The following BAG2 variants were observed in gnomAD, a reference collection of about 807,000 sequenced individuals.
BAG2 encodes BAG cochaperone 2, also known as BAG family molecular chaperone regulator 2.
A neutral mutation model predicts 16.4 loss-of-function variants in BAG2; 8 were observed. That is an observed-to-expected ratio of 0.49 (90% CI 0.29 to 0.88). The LOEUF is 0.88. Ranked by LOEUF, BAG2 falls within the 40% of genes least tolerant of loss-of-function variation. The pLI is 0.09. For missense variants in BAG2, 218 were observed against 248.9 expected, an observed-to-expected ratio of 0.88 and a Z score of 0.84; for synonymous variants, 82 against 89.2, an observed-to-expected ratio of 0.92 and a Z score of 0.46.
chr6:57,174,134 T>C, intron 1 of BAG2: 4 of 982,496 alleles, frequency 4.1e-6, no homozygotes, highest in African/African-American at 1.7e-5. Flanking sequence ...CCAGAAAAAG[T>C]AGAGCGAAAG....
rs1764584666 is a variant in BAG2 at position 57,185,052 on chromosome 6, T to C, written c.*862T>C. 6.6e-6 allele frequency: 1 copy of C among 152,206 alleles called. No homozygotes were observed. The highest frequency in any genetic ancestry group is 1.5e-5 in the Non-Finnish European group (1 of 68,030). 9.4% of individuals were successfully genotyped at this position (152,206 alleles called of 1,614,324 possible). On this transcript the variant is annotated 3_prime_UTR_variant, in exon 3 of 3. Coordinates refer to ENST00000370693, the MANE Select transcript of BAG2 (RefSeq NM_004282.4). ...ATTTTTGTACACAGGACTTTTTCCT[T>C]CTTTCATTTTTGTTTTTCTCTGTAT...
At position 57,188,407 on chromosome 6, in the gene BAG2, G is replaced by C. The variant is rs1458572592; in HGVS notation, c.*4217G>C. 1 of 152,140 alleles carries C rather than the reference G, an allele frequency of 6.6e-6. No homozygotes were observed. 9.4% of individuals were successfully genotyped at this position (152,140 alleles called of 1,614,324 possible). ...TACATAAAATTATATTACAGGAACT[G>C]TAACTATCCTCAGAGATTACTTTTT... On this transcript the variant is annotated 3_prime_UTR_variant, in exon 3 of 3. Transcript: ENST00000370693.
intron 2 of BAG2, 135 bp from the exon 3 acceptor site, chr6:57,183,643 C>T: frequency 1.5e-6 from 1 of 680,318 alleles, no homozygotes; most frequent in Non-Finnish European, 2.3e-6. Context: ...ATCAGTTAAT[C>T]TTACATGCTA....
intron 2 of BAG2, among the ~76,000 whole-genome samples, chr6:57,182,530 C>CAAAAAA (rs758049333): frequency 2.4e-5 from 1 of 41,596 alleles, no homozygotes; most frequent in Non-Finnish European, 5.5e-5. Context: ...AAGTAGAGAC[C>CAAAAAA]AAAAAAAAAA....
chr6:57,178,719 A>C (rs920344005), intron 1 of BAG2, among the ~76,000 whole-genome samples: 1 of 151,784 alleles, frequency 6.6e-6, no homozygotes, highest in East Asian at 1.9e-4. Context: ...AAATGATGAA[A>C]TCTGGTTTTC....
chr6:57,174,400 G>A (rs1764221307), intron 1 of BAG2: 7 of 1,303,962 alleles, frequency 5.4e-6, no homozygotes, highest in Non-Finnish European at 7.1e-6. Context: ...CATGTGGTAG[G>A]TACAAAAGCA....
At chr6:57,183,710 A>G in intron 2 of BAG2, 68 bp from the exon 3 acceptor site, 1 of 1,383,658 alleles carries the variant, frequency 7.2e-7, no homozygotes, top group Non-Finnish European at 9.7e-7. Flanking sequence ...AAAATAATAA[A>G]TTTAGTCACA....
chr6:57,180,943 A>G (rs1193728791), intron 1 of BAG2, among the ~76,000 whole-genome samples: 1 of 152,236 alleles, frequency 6.6e-6, no homozygotes, highest in Non-Finnish European at 1.5e-5. Context: ...AAAAATAGAA[A>G]AGCAAAATAG....
chr6:57,174,758 A>C (rs1289603332), intron 1 of BAG2, among the ~76,000 whole-genome samples: 1 of 152,238 alleles, frequency 6.6e-6, no homozygotes, highest in African/African-American at 2.4e-5. Context: ...GAACACTATT[A>C]AAAACTAGAA....
intron 1 of BAG2, among the ~76,000 whole-genome samples, chr6:57,178,673 AAAG>A (rs1764354677): frequency 6.6e-6 from 1 of 152,194 alleles, no homozygotes; most frequent in Non-Finnish European, 1.5e-5. Context: ...ATGAAATGAA[AAAG>A]GTATACATAA....
At chr6:57,176,019 T>C (rs1161129050) in intron 1 of BAG2, among the ~76,000 whole-genome samples, 1 of 151,878 alleles carries the variant, frequency 6.6e-6, no homozygotes, top group African/African-American at 2.4e-5. Flanking sequence ...GTGTAGGGAG[T>C]GTTGGAACTG....
At position 57,184,801 on chromosome 6, in the gene BAG2, A is replaced by G. The variant is rs947107670; in HGVS notation, c.*611A>G. On this transcript the variant is annotated 3_prime_UTR_variant, in exon 3 of 3. Transcript: ENST00000370693. The stretch of plus-strand genomic sequence containing the variant: ...AATGTGAGAAAACCACCTATAATTT[A>G]CCACTGTGAACAATTATATATCTAT... 2.6e-5 allele frequency: 4 copies of G among 152,630 alleles called. No homozygotes were observed. Among genetic ancestry groups the G allele is most frequent in the Non-Finnish European group, 5.9e-5 (4 of 68,032 alleles). The allele number at this position is 152,630 out of a possible 1,614,324, so 9.5% of individuals were successfully genotyped here.
In BAG2 at chr6:57,184,650, CAAG is replaced by C; in HGVS notation, c.*463_*465del. 6.5e-6 allele frequency: 1 copy of C among 152,832 alleles called. No homozygotes were observed. The highest frequency in any genetic ancestry group is 1.9e-4 in the East Asian group (1 of 5,186). 9.5% of individuals were successfully genotyped at this position (152,832 alleles called of 1,614,324 possible). On this transcript the variant is annotated 3_prime_UTR_variant, in exon 3 of 3. Coordinates refer to ENST00000370693, the MANE Select transcript of BAG2 (RefSeq NM_004282.4). The stretch of plus-strand genomic sequence containing the variant: ...TAGAGGGTAAAAAGGAATCACAAAA[CAAG>C]AATCTTTCCAAAGTTGTCTCATTCA...
Position 57,184,345 on chromosome 6 carries a change from T to G in BAG2, c.*155T>G. Reference sequence around the variant, plus strand: ...AATATTCCATCAAGTATCTTCAGTTTTGTGAATAACAAAACTAGCAATATT... The same window carrying G: ...AATATTCCATCAAGTATCTTCAGTTGTGTGAATAACAAAACTAGCAATATT... On this transcript the variant is annotated 3_prime_UTR_variant, in exon 3 of 3. Coordinates refer to ENST00000370693, the MANE Select transcript of BAG2 (RefSeq NM_004282.4). The G allele has an allele frequency of 1.6e-6, 1 of 639,324 alleles. No individual in the cohort carries two copies. The highest frequency in any genetic ancestry group is 2.3e-6 in the Non-Finnish European group (1 of 430,386). 39.6% of individuals were successfully genotyped at this position (639,324 alleles called of 1,614,324 possible). A position where few individuals can be genotyped will look rare whatever the true frequency, so the allele number is the denominator to read the frequency against.
intron 2 of BAG2, among the ~76,000 whole-genome samples, chr6:57,183,060 A>G (rs1764512423): frequency 1.3e-5 from 2 of 152,218 alleles, no homozygotes; most frequent in East Asian, 1.9e-4. Flanking sequence ...CACAGGCCAC[A>G]TGGTACTGGG....
At chr6:57,182,164 G>A in intron 2 of BAG2, 23 bp downstream of exon 2, 1 of 1,599,300 alleles carries the variant, frequency 6.3e-7, no homozygotes. Flanking sequence ...TCCACAGAAG[G>A]GGCTCATCTT....
rs1764632384 is a variant in BAG2, at chr6:57,187,139, C to CATT, written c.*2953_*2955dup. 6.6e-6 allele frequency: 1 copy of CATT among 152,112 alleles called. No homozygotes were observed. Among genetic ancestry groups the CATT allele is most frequent in the Non-Finnish European group, 1.5e-5 (1 of 68,004 alleles). 9.4% of individuals were successfully genotyped at this position (152,112 alleles called of 1,614,324 possible). On this transcript the variant is annotated 3_prime_UTR_variant, in exon 3 of 3. Coordinates refer to ENST00000370693, the MANE Select transcript of BAG2 (RefSeq NM_004282.4). ...GGTTTTCCATTCAAATTTACAAAAG[C>CATT]ATTATTTATTAGTAATAAAAATATA...
intron 1 of BAG2, chr6:57,174,096 A>G (rs980863659): frequency 4.3e-5 from 28 of 653,560 alleles, no homozygotes; most frequent in Non-Finnish European, 6.0e-6. Context: ...GGATTTTCAC[A>G]ATACTGGCAA....
intron 1 of BAG2, 112 bp downstream of exon 1, chr6:57,172,922 C>G: frequency 1.1e-6 from 1 of 945,766 alleles, no homozygotes; most frequent in East Asian, 3.3e-5. Context: ...CACAGTGAGG[C>G]TGCGGCAACC....
Sources: gnomAD v4.1 joint callset for allele counts (sites outside exome capture counted in the v4.1 genomes callset) on GRCh38, gnomAD v4.1.1 for gene constraint, MANE v1.5 for transcripts, NCBI Gene and HGNC (gene_info 2026-07-23, HGNC 2026-07-21) for gene names.